The following ARHGEF10 variants were observed in gnomAD, a reference collection of about 807,000 sequenced individuals.
The protein encoded by ARHGEF10 is Rho guanine nucleotide exchange factor (GEF) 10.
Under a neutral mutation model 147.4 loss-of-function variants are expected in ARHGEF10, and 140 were observed. The observed-to-expected ratio is 0.95, with a 90% confidence interval of 0.83 to 1.09. The LOEUF (loss-of-function observed/expected upper bound fraction) is 1.09, where lower values mean the gene tolerates loss of function less well. Among genes scored for constraint, ARHGEF10 ranks in the 50% least tolerant of loss-of-function variants. The pLI is 0.00. For missense variants in ARHGEF10, 2,222 were observed against 1,752.7 expected, an observed-to-expected ratio of 1.27 and a Z score of -4.78; for synonymous variants, 902 against 695.8, an observed-to-expected ratio of 1.30 and a Z score of -4.67.
At position 1,889,584 on chromosome 8, in the gene ARHGEF10, G is replaced by A. The variant is rs532789775; in HGVS notation, c.1182+3877G>A. 1.7e-4 allele frequency among the ~76,000 whole-genome samples: 19 copies of A among 109,314 alleles called. 7 individuals are homozygous for A. The highest frequency in any genetic ancestry group is 7.2e-4 in the African/African-American group (19 of 26,462). 71.7% of individuals were successfully genotyped at this position (109,314 alleles called of 152,430 possible). On this transcript the variant is annotated intron_variant, in intron 11 of 28. Transcript: ENST00000349830. ...TGTGGAGACACTGAGTGGGGTGAGG[G>A]GTTTGTGAGGAGACACTGAGTGTGG...
chr8:1,891,096 T>A (rs1585421342), intron 11 of ARHGEF10, among the ~76,000 whole-genome samples: 2 of 152,230 alleles, frequency 1.3e-5, no homozygotes, highest in South Asian at 4.1e-4. Flanking sequence ...AGTGAAGTCC[T>A]GTATAGCAAG....
chr8:1,936,377 C>T (rs1380928303), intron 26 of ARHGEF10, among the ~76,000 whole-genome samples: 2 of 152,062 alleles, frequency 1.3e-5, no homozygotes, highest in Admixed American at 6.5e-5. Flanking sequence ...TAGCTGGGCA[C>T]GGTAGTGCAT....
At chr8:1,885,158 CCACCTCAGTTTTCAATGACTTTTGACT>C (rs1434171895) in intron 10 of ARHGEF10, among the ~76,000 whole-genome samples, 2 of 152,122 alleles carry the variant, frequency 1.3e-5, no homozygotes, top group African/African-American at 4.8e-5. Flanking sequence ...ATACTAAGTG[CCACCTCAGTTTTCAATGACTTTTGACT>C]CACCTCAGTT....
intron 18 of ARHGEF10, among the ~76,000 whole-genome samples, chr8:1,917,307 A>G (rs1811832255): frequency 6.6e-6 from 1 of 152,230 alleles, no homozygotes. Flanking sequence ...TGATTTGTGA[A>G]AAACAGTTTT....
chr8:1,831,968 G>A (rs2129035675), intron 1 of ARHGEF10, among the ~76,000 whole-genome samples: 1 of 152,326 alleles, frequency 6.6e-6, no homozygotes, highest in South Asian at 2.1e-4. Flanking sequence ...GTTGGCAGGA[G>A]GGGAGGGTGG....
intron 18 of ARHGEF10, among the ~76,000 whole-genome samples, chr8:1,921,551 A>C (rs946182809): frequency 6.6e-6 from 1 of 152,074 alleles, no homozygotes; most frequent in African/African-American, 2.4e-5. Flanking sequence ...AACATGGTGA[A>C]CCCTCTACTA....
chr8:1,830,945 C>T (rs1268611335), intron 1 of ARHGEF10, among the ~76,000 whole-genome samples: 6 of 152,232 alleles, frequency 3.9e-5, no homozygotes, highest in African/African-American at 9.6e-5. Flanking sequence ...GGAGGAACAG[C>T]GTCTGCGCGG....
intron 18 of ARHGEF10, among the ~76,000 whole-genome samples, chr8:1,914,164 A>G (rs190356785): frequency 6.6e-6 from 1 of 152,362 alleles, no homozygotes; most frequent in East Asian, 1.9e-4. Context: ...GGAAGCTTGA[A>G]CAGCTGAATA....
intron 18 of ARHGEF10, among the ~76,000 whole-genome samples, chr8:1,913,799 C>T (rs1456268853): frequency 6.6e-6 from 1 of 152,220 alleles, no homozygotes; most frequent in Admixed American, 6.5e-5. Flanking sequence ...TGCTTCTGTA[C>T]AGTTGAGCTG....
At chr8:1,861,023 G>A (rs546467345) in intron 4 of ARHGEF10, among the ~76,000 whole-genome samples, 32 of 152,228 alleles carry the variant, frequency 2.1e-4, no homozygotes, top group Non-Finnish European at 4.0e-4. Context: ...AGGGCTCAGA[G>A]TCGGCCACTG....
At chr8:1,902,729 G>A (rs1392093894) in intron 15 of ARHGEF10, among the ~76,000 whole-genome samples, 1 of 152,142 alleles carries the variant, frequency 6.6e-6, no homozygotes, top group Non-Finnish European at 1.5e-5. Flanking sequence ...CGGTGGGTTC[G>A]GATGAACGTT....
rs773722763 is a variant in ARHGEF10 at position 1,876,711 on chromosome 8, C to T, written c.820C>T (p.Leu274=). The change falls in exon 8 of 29, where the codon CTG becomes TTG. Residue 274 remains leucine (L), a synonymous_variant. Transcript: ENST00000349830. The part of the protein sequence containing the change: ...ECKNGIPRSF[L]RSNHKKQLSH... ...CAAGAATGGGATTCCCAGGTCCTTC[C>T]TGCGCAGCAACCACAAAAAGCAAGT... 10 of 1,614,052 alleles carry T rather than the reference C, an allele frequency of 6.2e-6. No homozygotes were observed. Among genetic ancestry groups the T allele is most frequent in the Non-Finnish European group, 8.5e-6 (10 of 1,180,038 alleles).
intron 1 of ARHGEF10, among the ~76,000 whole-genome samples, chr8:1,831,411 T>G (rs1488413363): frequency 7.4e-6 from 1 of 136,032 alleles, no homozygotes; most frequent in South Asian, 2.4e-4. Flanking sequence ...CAGTGTGTGA[T>G]GGCTGTGGAG....
intron 1 of ARHGEF10, among the ~76,000 whole-genome samples, chr8:1,833,432 A>G (rs1196003341): frequency 2.6e-5 from 4 of 151,532 alleles, no homozygotes; most frequent in African/African-American, 9.7e-5. Flanking sequence ...AGAGACAGAG[A>G]CAGAGGCAGG....
At chr8:1,854,911 G>T (rs1257367274) in intron 2 of ARHGEF10, among the ~76,000 whole-genome samples, 1 of 152,070 alleles carries the variant, frequency 6.6e-6, no homozygotes, top group Non-Finnish European at 1.5e-5. Flanking sequence ...ACCTGTACCT[G>T]GCACACGGGA....
At chr8:1,887,726 G>C (rs554855798) in intron 11 of ARHGEF10, among the ~76,000 whole-genome samples, 2 of 145,968 alleles carry the variant, frequency 1.4e-5, no homozygotes, top group Non-Finnish European at 3.0e-5. Context: ...GTGAGAAGAC[G>C]CTAGATGGGA....
intron 25 of ARHGEF10, among the ~76,000 whole-genome samples, chr8:1,931,444 G>A (rs1218633778): frequency 6.6e-6 from 1 of 152,216 alleles, no homozygotes; most frequent in Non-Finnish European, 1.5e-5. Flanking sequence ...GTGGAGCCCC[G>A]TGCAGGGCTG....
intron 18 of ARHGEF10, among the ~76,000 whole-genome samples, chr8:1,920,892 A>T (rs776465837): frequency 2.6e-5 from 4 of 152,024 alleles, no homozygotes; most frequent in African/African-American, 7.2e-5. Flanking sequence ...GCTTCAAGCA[A>T]TTCTCCTGCC....
chr8:1,930,322 C>G (rs1012594520), intron 25 of ARHGEF10, among the ~76,000 whole-genome samples: 2 of 152,066 alleles, frequency 1.3e-5, no homozygotes, highest in Admixed American at 1.3e-4. Flanking sequence ...TGTTCTTGTA[C>G]CCCGAGACCA....
Sources: gnomAD v4.1 joint callset for allele counts (sites outside exome capture counted in the v4.1 genomes callset) on GRCh38, gnomAD v4.1.1 for gene constraint, MANE v1.5 for transcripts, NCBI Gene and HGNC (gene_info 2026-07-23, HGNC 2026-07-21) for gene names.